The following ARL6IP5 variants were observed in gnomAD, a reference collection of about 807,000 sequenced individuals.
ARL6IP5 encodes the protein ARF like GTPase 6 interacting protein 5.
A neutral mutation model predicts 13.0 loss-of-function variants in ARL6IP5; 6 were observed. The ratio of observed to expected loss-of-function variants is 0.46; its 90% confidence interval spans 0.25 to 0.91. The LOEUF is 0.91. ARL6IP5 is among the 40% of genes least tolerant of loss of function. The probability of loss-of-function intolerance (pLI) is 0.17; values close to 1 mark genes in which losing one functional copy is unlikely to be tolerated. For synonymous variants in ARL6IP5, 91 were observed against 91.9 expected (o/e 0.99, Z 0.06); for missense variants, 208 against 248.8 (o/e 0.84, Z 1.10).
At chr3:69,094,125 G>C (rs1384412331) in intron 1 of ARL6IP5, among the ~76,000 whole-genome samples, 1 of 152,214 alleles carries the variant, frequency 6.6e-6, no homozygotes, top group East Asian at 1.9e-4. Flanking sequence ...TTCTGGGGTA[G>C]ATAGAAACCC....
At chr3:69,100,790 A>G (rs1477900320) in intron 1 of ARL6IP5, among the ~76,000 whole-genome samples, 2 of 152,116 alleles carry the variant, frequency 1.3e-5, no homozygotes, top group African/African-American at 2.4e-5. Flanking sequence ...CAAATAAAAA[A>G]AAAAAAAAAA....
At chr3:69,095,081 C>T (rs144927448) in intron 1 of ARL6IP5, among the ~76,000 whole-genome samples, 16 of 152,246 alleles carry the variant, frequency 1.1e-4, no homozygotes, top group African/African-American at 3.6e-4. Flanking sequence ...TCCTTAAAGC[C>T]GGTTAACATG....
Position 69,102,059 on chromosome 3 carries a change from A to T in ARL6IP5, c.394+3A>T. The stretch of plus-strand genomic sequence containing the variant: ...TGGCATTACTTTTCCTTTGCTGTGT[A>T]AGTGAACTTGAGTTTTTTCTTCCAT... On this transcript the variant is annotated splice_donor_region_variant and intron_variant, in intron 2 of 2. Transcript: ENST00000273258. The T allele has an allele frequency of 6.2e-7, 1 of 1,613,232 alleles. No individual in the cohort carries two copies. The highest frequency in any genetic ancestry group is 8.5e-7 in the Non-Finnish European group (1 of 1,179,236).
intron 1 of ARL6IP5, among the ~76,000 whole-genome samples, chr3:69,090,618 AG>A (rs2092262378): frequency 6.6e-6 from 1 of 152,178 alleles, no homozygotes; most frequent in South Asian, 2.1e-4. Flanking sequence ...GACAGGAAAA[AG>A]GTTTTTTTAA....
At chr3:69,102,337 ACT>A in intron 2 of ARL6IP5, 1 of 443,488 alleles carries the variant, frequency 2.3e-6, no homozygotes, top group African/African-American at 2.0e-5. Context: ...GATGGGGTCT[ACT>A]CTGTCACCCA....
At chr3:69,086,101 A>G (rs558010054) in intron 1 of ARL6IP5, among the ~76,000 whole-genome samples, 70 of 152,308 alleles carry the variant, frequency 4.6e-4, no homozygotes, top group African/African-American at 1.5e-3. Context: ...CAGACTTTAT[A>G]AAGGACTCAC....
At chr3:69,104,154 A>G (rs1314922507) in intron 2 of ARL6IP5, among the ~76,000 whole-genome samples, 2 of 152,236 alleles carry the variant, frequency 1.3e-5, no homozygotes, top group Non-Finnish European at 2.9e-5. Flanking sequence ...TCTGAATTTC[A>G]GGACATTTAA....
intron 1 of ARL6IP5, among the ~76,000 whole-genome samples, chr3:69,100,285 C>T (rs2092301023): frequency 7.9e-5 from 12 of 152,168 alleles, no homozygotes; most frequent in Admixed American, 7.9e-4. Flanking sequence ...ATTGCTATTA[C>T]ATACTAAACA....
At chr3:69,085,532 A>G (rs2092245140) in intron 1 of ARL6IP5, among the ~76,000 whole-genome samples, 1 of 152,204 alleles carries the variant, frequency 6.6e-6, no homozygotes, top group African/African-American at 2.4e-5. Flanking sequence ...GCGTGCCAGG[A>G]TCGGGCTCTT....
chr3:69,092,812 A>T (rs1575859694), intron 1 of ARL6IP5, among the ~76,000 whole-genome samples: 1 of 144,088 alleles, frequency 6.9e-6, no homozygotes, highest in Non-Finnish European at 1.5e-5. Flanking sequence ...GAGCCACTGT[A>T]CCCAGCCTTT....
intron 2 of ARL6IP5, 120 bp downstream of exon 2, chr3:69,102,176 C>G (rs2092307851): frequency 9.3e-7 from 1 of 1,072,028 alleles, no homozygotes; most frequent in African/African-American, 1.6e-5. Flanking sequence ...TCAGAATTTT[C>G]TAAAACAGCT....
intron 1 of ARL6IP5, among the ~76,000 whole-genome samples, chr3:69,094,979 A>G (rs2092282337): frequency 6.6e-6 from 1 of 152,164 alleles, no homozygotes; most frequent in Non-Finnish European, 1.5e-5. Flanking sequence ...ACACCCACTA[A>G]TAGCCACCTT....
At chr3:69,089,933 C>T (rs1327284051) in intron 1 of ARL6IP5, 1 of 446,084 alleles carries the variant, frequency 2.2e-6, no homozygotes, top group Non-Finnish European at 4.5e-6. Flanking sequence ...TGACAGCTGC[C>T]ACTTTATGCT....
At chr3:69,092,524 G>A (rs920603777) in intron 1 of ARL6IP5, among the ~76,000 whole-genome samples, 43 of 152,178 alleles carry the variant, frequency 2.8e-4, no homozygotes, top group Admixed American at 8.5e-4. Context: ...CAAGCTGGAT[G>A]CCATGGCAGG....
chr3:69,097,112 A>T (rs1281350420), intron 1 of ARL6IP5, among the ~76,000 whole-genome samples: 1 of 152,112 alleles, frequency 6.6e-6, no homozygotes, highest in Non-Finnish European at 1.5e-5. Context: ...AACTCCCCTT[A>T]TCCTACTATA....
intron 1 of ARL6IP5, among the ~76,000 whole-genome samples, chr3:69,100,408 T>G (rs2092301374): frequency 6.6e-6 from 1 of 152,182 alleles, no homozygotes; most frequent in South Asian, 2.1e-4. Context: ...ACTCTCTATG[T>G]GAGGAGTCAT....
chr3:69,099,293 C>A (rs1308816384), intron 1 of ARL6IP5, among the ~76,000 whole-genome samples: 2 of 152,060 alleles, frequency 1.3e-5, no homozygotes, highest in Non-Finnish European at 2.9e-5. Flanking sequence ...ATTGCTTGAA[C>A]CTGGGAGGCA....
chr3:69,101,497 A>G (rs930710223), intron 1 of ARL6IP5, among the ~76,000 whole-genome samples: 3 of 150,984 alleles, frequency 2.0e-5, no homozygotes, highest in African/African-American at 7.3e-5. Flanking sequence ...TAATTTTCAT[A>G]TTTTTGTAGA....
At chr3:69,096,031 GTGTCTGTC>G (rs775463735) in intron 1 of ARL6IP5, among the ~76,000 whole-genome samples, 8 of 152,266 alleles carry the variant, frequency 5.3e-5, no homozygotes, top group East Asian at 1.9e-4. Flanking sequence ...GTGTGTGTGT[GTGTCTGTC>G]TGTCTGTCTG....
Sources: allele counts gnomAD v4.1 joint callset (sites outside exome capture counted in the v4.1 genomes callset), GRCh38; gene constraint gnomAD v4.1.1; transcripts MANE v1.5; gene names NCBI Gene and HGNC (gene_info 2026-07-23, HGNC 2026-07-21).